TMTC3: variants seen among roughly 807,000 people sequenced by gnomAD.
The protein encoded by TMTC3 is protein O-mannosyl-transferase TMTC3.
In TMTC3, 52 loss-of-function variants were observed where a neutral mutation model predicts 92.2. That is an observed-to-expected ratio of 0.56 (90% CI 0.45 to 0.71). The LOEUF (loss-of-function observed/expected upper bound fraction) is 0.71. Ranked by LOEUF, TMTC3 falls within the 30% of genes least tolerant of loss-of-function variation. The pLI is 0.00. For synonymous variants in TMTC3, 339 were observed against 363.3 expected (o/e 0.93, Z 0.76); for missense variants, 896 against 1,057.1 (o/e 0.85, Z 2.11).
intron 10 of TMTC3, among the ~76,000 whole-genome samples, chr12:88,185,481 T>G (rs1026856358): frequency 7.2e-5 from 11 of 152,148 alleles, no homozygotes; most frequent in African/African-American, 2.4e-4. Flanking sequence ...TTTATCCATT[T>G]ACCTGTTGAT....
At chr12:88,175,123 AAAT>A (rs1327915289) in intron 9 of TMTC3, among the ~76,000 whole-genome samples, 4 of 152,090 alleles carry the variant, frequency 2.6e-5, no homozygotes, top group Non-Finnish European at 5.9e-5. Flanking sequence ...ATGGTACTTA[AAAT>A]AATGATGTTA....
chr12:88,142,996 C>T (rs1195087865), intron 1 of TMTC3, among the ~76,000 whole-genome samples: 1 of 152,096 alleles, frequency 6.6e-6, no homozygotes, highest in African/African-American at 2.4e-5. Context: ...TCCATGAAAG[C>T]GCCTTCTCTG....
At chr12:88,168,840 G>C (rs1275493538) in intron 7 of TMTC3, among the ~76,000 whole-genome samples, 2 of 152,198 alleles carry the variant, frequency 1.3e-5, no homozygotes, top group Non-Finnish European at 2.9e-5. Flanking sequence ...TTTAAATATA[G>C]ATAGGAAGAA....
At chr12:88,191,089 A>G (rs1471506832) in intron 12 of TMTC3, among the ~76,000 whole-genome samples, 2 of 152,166 alleles carry the variant, frequency 1.3e-5, no homozygotes, top group Non-Finnish European at 2.9e-5. Context: ...TTAAAACTTC[A>G]TTTATTTTCT....
intron 4 of TMTC3, among the ~76,000 whole-genome samples, chr12:88,157,956 T>C (rs948255206): frequency 3.9e-5 from 6 of 152,170 alleles, no homozygotes; most frequent in African/African-American, 1.4e-4. Context: ...AACCATTTGC[T>C]TGTTCTTCCT....
intron 1 of TMTC3, among the ~76,000 whole-genome samples, chr12:88,147,147 C>T (rs2040885931): frequency 6.6e-6 from 1 of 151,396 alleles, no homozygotes; most frequent in African/African-American, 2.4e-5. Flanking sequence ...TATCAAGTCT[C>T]CAGGATGTTA....
At position 88,166,339 on chromosome 12, in the gene TMTC3, C is replaced by A. The variant is rs764900307; in HGVS notation, c.807C>A (p.Asn269Lys). ...SQLPVFTRFD[N>K]PAAVSPTPTR... ...TTAATCCTTTATACAGGTTTGATAA[C>A]CCAGCTGCTGTAAGCCCAACTCCTA... is the stretch of plus-strand genomic sequence containing the variant. The change falls in exon 7 of 14, where the codon AAC becomes AAA. Residue 269 changes from asparagine (N) to lysine (K), a missense_variant. Transcript: ENST00000266712. The A allele has an allele frequency of 1.2e-6, 2 of 1,613,262 alleles. No individual in the cohort carries two copies. Among genetic ancestry groups the A allele is most frequent in the Non-Finnish European group, 8.5e-7 (1 of 1,179,674 alleles).
intron 6 of TMTC3, among the ~76,000 whole-genome samples, chr12:88,163,762 T>G (rs949818119): frequency 2.6e-5 from 4 of 152,154 alleles, no homozygotes. Context: ...CAGTGTGACC[T>G]CATCTTAACT....
chr12:88,160,471 GA>G (rs2041063269), intron 5 of TMTC3, among the ~76,000 whole-genome samples: 1 of 151,984 alleles, frequency 6.6e-6, no homozygotes, highest in African/African-American at 2.4e-5. Flanking sequence ...AGGCAGCTTG[GA>G]AAAGTATGCA....
In TMTC3 at chr12:88,198,127, T is replaced by TAAGA. The variant is rs1439102661; in HGVS notation, c.*2479_*2482dup. The TAAGA allele has an allele frequency of 2.6e-6, 1 of 390,548 alleles. No homozygotes were observed. Among genetic ancestry groups the TAAGA allele is most frequent in the African/African-American group, 2.1e-5 (1 of 48,440 alleles). 24.2% of individuals were successfully genotyped at this position (390,548 alleles called of 1,614,324 possible). On this transcript the variant is annotated 3_prime_UTR_variant, in exon 14 of 14. Coordinates refer to ENST00000266712, the MANE Select transcript of TMTC3 (RefSeq NM_181783.4). ...AAGTTCCATCAAACTAGCCCTTGTG[T>TAAGA]AAGATTATTATTTCTTCTCTATAAC...
chr12:88,143,812 G>C (rs915083827), intron 1 of TMTC3, among the ~76,000 whole-genome samples: 1 of 152,298 alleles, frequency 6.6e-6, no homozygotes, highest in African/African-American at 2.4e-5. Flanking sequence ...ACCCCCATTG[G>C]AGGTGGTAGA....
In TMTC3 at chr12:88,179,141, T is replaced by C. The variant is rs549019970; in HGVS notation, c.1432+2822T>C. ...ACAAGTAAACCAGTTTATTATATTA[T>C]GAATAAAGCGTTTTTTAAACTTAGA... is the stretch of plus-strand genomic sequence containing the variant. On this transcript the variant is annotated intron_variant, in intron 10 of 13. Transcript: ENST00000266712. Among the ~76,000 whole-genome samples the C allele has an allele frequency of 2.0e-5, 3 of 152,380 alleles. No individual in the cohort carries two copies. In the South Asian group the frequency reaches 6.2e-4, roughly 32 times the overall value.
At chr12:88,175,446 G>A (rs1368955788) in intron 9 of TMTC3, among the ~76,000 whole-genome samples, 1 of 151,948 alleles carries the variant, frequency 6.6e-6, no homozygotes, top group African/African-American at 2.4e-5. Flanking sequence ...TAGCTTTATT[G>A]GATTGCTGCT....
chr12:88,145,628 T>C (rs551656855), intron 1 of TMTC3, among the ~76,000 whole-genome samples: 5 of 152,126 alleles, frequency 3.3e-5, no homozygotes, highest in Admixed American at 6.5e-5. Flanking sequence ...GAAAAATCCA[T>C]TGGAAGAGAA....
At chr12:88,189,427 C>G (rs1006188641) in intron 11 of TMTC3, among the ~76,000 whole-genome samples, 1 of 151,928 alleles carries the variant, frequency 6.6e-6, no homozygotes, top group African/African-American at 2.4e-5. Flanking sequence ...TTTTTATAGT[C>G]CATTTGTAAA....
chr12:88,182,726 C>A (rs751117355), intron 10 of TMTC3, among the ~76,000 whole-genome samples: 2 of 150,370 alleles, frequency 1.3e-5, no homozygotes, highest in Non-Finnish European at 2.9e-5. Context: ...TTAGGAAATT[C>A]TTTTCTACTT....
intron 1 of TMTC3, among the ~76,000 whole-genome samples, chr12:88,146,086 GC>G (rs1385437320): frequency 1.3e-5 from 2 of 151,982 alleles, no homozygotes; most frequent in African/African-American, 4.8e-5. Context: ...TGCAATAATG[GC>G]CCCCAGTGAG....
At chr12:88,188,987 A>T in intron 11 of TMTC3, 41 bp downstream of exon 11, 3 of 1,065,930 alleles carry the variant, frequency 2.8e-6, no homozygotes, top group Non-Finnish European at 2.8e-6. Flanking sequence ...TATCTATTAG[A>T]TGTCCATATT....
chr12:88,154,691 TTAA>T (rs2040984737), intron 4 of TMTC3, among the ~76,000 whole-genome samples: 1 of 152,206 alleles, frequency 6.6e-6, no homozygotes, highest in South Asian at 2.1e-4. Flanking sequence ...CTGTTATCTA[TTAA>T]TGATATAGAT....
Sources: gnomAD v4.1 joint callset for allele counts (sites outside exome capture counted in the v4.1 genomes callset) on GRCh38, gnomAD v4.1.1 for gene constraint, MANE v1.5 for transcripts, NCBI Gene and HGNC (gene_info 2026-07-23, HGNC 2026-07-21) for gene names.